PSMD1: variants seen among roughly 807,000 people sequenced by gnomAD.
PSMD1 encodes the protein proteasome 26S subunit, non-ATPase 1, also known as 26S proteasome non-ATPase regulatory subunit 1.
A neutral mutation model predicts 119.0 loss-of-function variants in PSMD1; 18 were observed. That is an observed-to-expected ratio of 0.15 (90% CI 0.10 to 0.22). The LOEUF is 0.22. PSMD1 is among the 10% of genes least tolerant of loss of function. The pLI, the probability that PSMD1 is intolerant of heterozygous loss-of-function variation, is 1.00. For synonymous variants in PSMD1, 374 were observed against 396.6 expected (o/e 0.94, Z 0.68); for missense variants, 702 against 1,158.5 (o/e 0.61, Z 5.72).
chr2:231,123,469 G>A, intron 16 of PSMD1: 2 of 1,614,022 alleles, frequency 1.2e-6, no homozygotes, highest in Non-Finnish European at 1.7e-6. Flanking sequence ...CAGCAAATCA[G>A]CCACCGCCAA....
chr2:231,132,416 A>G (rs1007156468), intron 16 of PSMD1, among the ~76,000 whole-genome samples: 2 of 152,308 alleles, frequency 1.3e-5, no homozygotes, highest in Admixed American at 1.3e-4. Context: ...GTTGATGACG[A>G]AATTCTGGAG....
At chr2:231,077,600 A>C (rs973364734) in intron 9 of PSMD1, among the ~76,000 whole-genome samples, 1 of 152,134 alleles carries the variant, frequency 6.6e-6, no homozygotes, top group Admixed American at 6.5e-5. Context: ...CCATTGAACT[A>C]TGATCTCCTT....
intron 23 of PSMD1, among the ~76,000 whole-genome samples, chr2:231,169,790 T>C (rs1013824083): frequency 6.6e-6 from 1 of 152,176 alleles, no homozygotes; most frequent in Non-Finnish European, 1.5e-5. Context: ...AGAATAAGAT[T>C]AGCACACTAG....
intron 16 of PSMD1, among the ~76,000 whole-genome samples, chr2:231,111,274 C>T (rs1338159542): frequency 6.6e-6 from 1 of 152,188 alleles, no homozygotes; most frequent in African/African-American, 2.4e-5. Context: ...TAATACTTCC[C>T]TTCCTTGTCC....
At chr2:231,139,112 T>TTTTTTG (rs1439929922) in intron 17 of PSMD1, 32 of 480,074 alleles carry the variant, frequency 6.7e-5, no homozygotes, top group Non-Finnish European at 1.1e-4. Flanking sequence ...GATTTCTGGG[T>TTTTTTG]TTTTTGTTTT....
At chr2:231,084,321 C>T (rs1476536085) in intron 14 of PSMD1, among the ~76,000 whole-genome samples, 1 of 151,980 alleles carries the variant, frequency 6.6e-6, no homozygotes, top group Non-Finnish European at 1.5e-5. Flanking sequence ...CACTGCACTC[C>T]AGCCTGGGTG....
At chr2:231,120,711 G>A (rs1056333095) in intron 16 of PSMD1, among the ~76,000 whole-genome samples, 3 of 152,050 alleles carry the variant, frequency 2.0e-5, no homozygotes, top group Non-Finnish European at 2.9e-5. Flanking sequence ...ATTAGACTAC[G>A]AGCTAGTATA....
At chr2:231,110,089 G>A (rs925941959) in intron 16 of PSMD1, among the ~76,000 whole-genome samples, 1 of 152,174 alleles carries the variant, frequency 6.6e-6, no homozygotes, top group Admixed American at 6.5e-5. Context: ...GAGGCCAAGT[G>A]GGGGTGGATT....
At chr2:231,065,852 G>A (rs7581418) in intron 4 of PSMD1, among the ~76,000 whole-genome samples, 69,960 of 152,074 alleles carry the variant, frequency 0.46, 18,160 homozygotes, top group African/African-American at 0.7. Flanking sequence ...CTTCTTGGGA[G>A]AAATAGGTTC....
intron 17 of PSMD1, among the ~76,000 whole-genome samples, chr2:231,144,705 C>T (rs1243747311): frequency 1.3e-5 from 2 of 152,154 alleles, no homozygotes; most frequent in Non-Finnish European, 2.9e-5. Flanking sequence ...CAAGCCACCA[C>T]GCCCACCCAG....
At chr2:231,113,376 T>C (rs532818993) in intron 16 of PSMD1, among the ~76,000 whole-genome samples, 13 of 152,344 alleles carry the variant, frequency 8.5e-5, no homozygotes, top group African/African-American at 3.1e-4. Context: ...TTAATGTAAT[T>C]ACAGGATTCC....
Position 231,109,372 on chromosome 2 carries a change from A to G in PSMD1, c.1883+22191A>G. 1.9e-6 allele frequency: 3 copies of G among 1,614,178 alleles called. No homozygotes were observed. The East Asian group carries it at 6.7e-5, about 36-fold the overall frequency. On this transcript the variant is annotated intron_variant, in intron 16 of 24. Transcript: ENST00000308696. ...TGATATTGTTTGGGTTGTCCACATC[A>G]GTCTCTATCCCTTTAATAGGGACTG...
chr2:231,066,160 T>C (rs905541196), intron 4 of PSMD1, among the ~76,000 whole-genome samples: 31 of 152,364 alleles, frequency 2.0e-4, no homozygotes, highest in Non-Finnish European at 3.7e-4. Context: ...AAGATGTGTT[T>C]TCCAGAATGT....
intron 16 of PSMD1, among the ~76,000 whole-genome samples, chr2:231,096,701 G>A (rs925179463): frequency 1.6e-4 from 24 of 152,206 alleles, no homozygotes; most frequent in Admixed American, 1.4e-3. Context: ...AGTGGTGAGC[G>A]CACACTTGGA....
rs1007316756 is a variant in PSMD1 at position 231,126,226 on chromosome 2, C to T, written c.1884-12510C>T. Among the ~76,000 whole-genome samples, 5 of 152,196 alleles carry T rather than the reference C, an allele frequency of 3.3e-5. No homozygotes were observed. The East Asian group carries it at 5.8e-4, about 18-fold the overall frequency. On this transcript the variant is annotated intron_variant, in intron 16 of 24. Coordinates refer to ENST00000308696, the MANE Select transcript of PSMD1 (RefSeq NM_002807.4). ...CCAGCTTGGGCAACATGGCAAAACC[C>T]CATCTCTACAAAAAAAACCACATAA...
intron 16 of PSMD1, among the ~76,000 whole-genome samples, chr2:231,087,901 G>T (rs1160912397): frequency 6.6e-6 from 1 of 151,874 alleles, no homozygotes; most frequent in Non-Finnish European, 1.5e-5. Flanking sequence ...GGCAGAAGTT[G>T]CAGTGAGCCG....
intron 16 of PSMD1, among the ~76,000 whole-genome samples, chr2:231,107,455 A>G (rs2125200713): frequency 6.6e-6 from 1 of 152,218 alleles, no homozygotes; most frequent in East Asian, 1.9e-4. Context: ...TAACAGGAGC[A>G]TTAAAATATA....
At chr2:231,089,275 A>C (rs1282526645) in intron 16 of PSMD1, among the ~76,000 whole-genome samples, 1 of 152,184 alleles carries the variant, frequency 6.6e-6, no homozygotes, top group Admixed American at 6.5e-5. Flanking sequence ...ATCATTGATG[A>C]AGGTGGCTAT....
At chr2:231,155,850 T>TA (rs1184323909) in intron 19 of PSMD1, among the ~76,000 whole-genome samples, 9 of 152,136 alleles carry the variant, frequency 5.9e-5, no homozygotes, top group Admixed American at 2.0e-4. Context: ...TGTTTATAGA[T>TA]AAAAAAATTC....
Sources: allele counts gnomAD v4.1 joint callset (sites outside exome capture counted in the v4.1 genomes callset), GRCh38; gene constraint gnomAD v4.1.1; transcripts MANE v1.5; gene names NCBI Gene and HGNC (gene_info 2026-07-23, HGNC 2026-07-21).